Variants in DSCAML1 observed in about 807,000 individuals in gnomAD.
DSCAML1 encodes cell adhesion molecule DSCAML1.
Under a neutral mutation model 200.5 loss-of-function variants are expected in DSCAML1, and 38 were observed. The ratio of observed to expected loss-of-function variants is 0.19; its 90% CI spans 0.15 to 0.25. The LOEUF (loss-of-function observed/expected upper bound fraction) is 0.25. DSCAML1 is among the 10% of genes least tolerant of loss of function. The pLI, the probability that DSCAML1 is intolerant of heterozygous loss-of-function variation, is 1.00. For missense variants in DSCAML1, 2,223 were observed against 2,858.8 expected (o/e 0.78, Z 5.07); for synonymous variants, 1,215 against 1,165.0 (o/e 1.04, Z -0.87).
At chr11:117,572,934 T>C (rs1769589892) in intron 3 of DSCAML1, among the ~76,000 whole-genome samples, 1 of 152,162 alleles carries the variant, frequency 6.6e-6, no homozygotes, top group Non-Finnish European at 1.5e-5. Context: ...AAGTGACCTG[T>C]AGATTGAGCC....
At position 117,489,627 on chromosome 11, in the gene DSCAML1, G is replaced by A. The variant is rs1181441858; in HGVS notation, c.2360-7465C>T. 3.9e-5 allele frequency among the ~76,000 whole-genome samples: 6 copies of A among 152,180 alleles called. No homozygotes were observed. The highest frequency in any genetic ancestry group is 1.9e-4 in the East Asian group (1 of 5,172). ...GGAGTGAAGACCCTGGTGTGAAGAC[G>A]GCCCATTTCATTCAAGCCTCAGTTA... On this transcript the variant is annotated intron_variant, in intron 11 of 32. Coordinates refer to ENST00000651296, the MANE Select transcript of DSCAML1 (RefSeq NM_020693.4). This position sits in a 1 kb window ranked among gnomAD's most constrained non-coding sequence, Gnocchi z 4.8.
intron 1 of DSCAML1, among the ~76,000 whole-genome samples, chr11:117,808,849 T>C (rs781325671): frequency 6.6e-6 from 1 of 152,224 alleles, no homozygotes; most frequent in Non-Finnish European, 1.5e-5. Flanking sequence ...CGCAGCACTT[T>C]GTGGCGTACA....
chr11:117,428,611 G>GA lies in DSCAML1; in HGVS notation c.5878_5879insT (p.Ala1960ValfsTer35). On this transcript the variant is annotated frameshift_variant, in exon 33 of 33. Coordinates refer to ENST00000651296, the MANE Select transcript of DSCAML1 (RefSeq NM_020693.4). LOFTEE classifies it high-confidence loss of function. ...GGTGGCTGTGGAGGCGGCAGCGGGGGCCCCTGGGTGGGGAAGGCCCAAGGA... is the reference window on the plus strand; with the variant it reads ...GGTGGCTGTGGAGGCGGCAGCGGGGGACCCCTGGGTGGGGAAGGCCCAAGGA... 1 of 1,607,112 alleles carries GA rather than the reference G, an allele frequency of 6.2e-7. No individual in the cohort carries two copies.
intron 3 of DSCAML1, among the ~76,000 whole-genome samples, chr11:117,693,457 A>C (rs2053533558): frequency 6.6e-6 from 1 of 152,120 alleles, no homozygotes; most frequent in South Asian, 2.1e-4. Context: ...AAGCTTTATA[A>C]ATGACTGAAT....
chr11:117,717,463 C>G (rs1356518197), intron 3 of DSCAML1, among the ~76,000 whole-genome samples: 12 of 152,206 alleles, frequency 7.9e-5, no homozygotes, highest in Admixed American at 7.2e-4. Flanking sequence ...GGTTTCATCT[C>G]AGGCAGGTTC....
chr11:117,570,532 T>C (rs1052535995), intron 3 of DSCAML1, among the ~76,000 whole-genome samples: 5 of 152,240 alleles, frequency 3.3e-5, no homozygotes, highest in African/African-American at 1.2e-4. Context: ...ATTCACCACT[T>C]ATTCCAAGCA....
rs551149148 is a variant in DSCAML1, at chr11:117,610,897, T to C, written c.512-78375A>G. On this transcript the variant is annotated intron_variant, in intron 3 of 32. Transcript: ENST00000651296. The stretch of plus-strand genomic sequence containing the variant: ...CTTCACACTTGTATGAAGAGGTTAC[T>C]TCCATCCCTGTAGGGTAAATTCCTA... Among the ~76,000 whole-genome samples, 113 of 142,652 alleles carry C rather than the reference T, an allele frequency of 7.9e-4. 1 individual carries two copies. The highest frequency in any genetic ancestry group is 2.9e-3 in the African/African-American group (112 of 39,074). The allele number at this position is 142,652 out of a possible 152,430, so 93.6% of individuals were successfully genotyped here.
At chr11:117,499,989 G>A (rs2049366244) in intron 11 of DSCAML1, among the ~76,000 whole-genome samples, 1 of 152,188 alleles carries the variant, frequency 6.6e-6, no homozygotes, top group Non-Finnish European at 1.5e-5. Context: ...AAAACATTTA[G>A]CTTCCAAAGG....
intron 3 of DSCAML1, among the ~76,000 whole-genome samples, chr11:117,754,665 G>A (rs964687173): frequency 1.8e-4 from 27 of 152,142 alleles, no homozygotes; most frequent in African/African-American, 5.6e-4. Flanking sequence ...TTGAAACAGC[G>A]ACTTTATAAT....
chr11:117,432,648 ACT>A, intron 29 of DSCAML1, 144 bp from the exon 30 acceptor site: 1 of 944,212 alleles, frequency 1.1e-6, no homozygotes, highest in Non-Finnish European at 1.6e-6. Context: ...ACAGGGTCTC[ACT>A]CTGTTGCCCA....
intron 1 of DSCAML1, among the ~76,000 whole-genome samples, chr11:117,785,429 GTGAGGCATGCATGT>G (rs1190497113): frequency 3.9e-5 from 6 of 152,238 alleles, no homozygotes; most frequent in Non-Finnish European, 8.8e-5. Flanking sequence ...ACAACAGTGG[GTGAGGCATGCATGT>G]TGGGGGATGC....
At chr11:117,805,755 A>T (rs1019832367) in intron 1 of DSCAML1, among the ~76,000 whole-genome samples, 1 of 152,330 alleles carries the variant, frequency 6.6e-6, no homozygotes, top group South Asian at 2.1e-4. Context: ...CCCCTGTGCA[A>T]GGAGTTCCCC....
At chr11:117,474,062 C>T (rs972566408) in intron 14 of DSCAML1, among the ~76,000 whole-genome samples, 4 of 152,080 alleles carry the variant, frequency 2.6e-5, no homozygotes, top group Non-Finnish European at 5.9e-5. Flanking sequence ...GAGACTGGGG[C>T]GGTGTGTCTG....
intron 15 of DSCAML1, 28 bp downstream of exon 15, chr11:117,471,841 G>C (rs1403423174): frequency 6.3e-7 from 1 of 1,592,604 alleles, no homozygotes; most frequent in Non-Finnish European, 8.6e-7. Flanking sequence ...TGAGGCCATG[G>C]GCAGGGCAGG....
chr11:117,599,517 G>A (rs2051425604), intron 3 of DSCAML1, among the ~76,000 whole-genome samples: 1 of 152,214 alleles, frequency 6.6e-6, no homozygotes, highest in African/African-American at 2.4e-5. Context: ...TTGTAAATGG[G>A]TGAAAAGGTG....
chr11:117,431,701 G>A lies in DSCAML1; in HGVS notation c.5207C>T (p.Ser1736Leu). The A allele has an allele frequency of 6.3e-7, 1 of 1,597,180 alleles. No homozygotes were observed. The change falls in exon 31 of 33, where the codon TCA becomes TTA. Residue 1736 changes from serine to leucine, a missense_variant. Around this residue, in one of 7 missense-constraint regions of DSCAML1, gnomAD observed 614 missense variants for 739.1 expected, o/e 0.83. Coordinates refer to ENST00000651296, the MANE Select transcript of DSCAML1 (RefSeq NM_020693.4). ...GTACCGGTTCCGGGTGCTGTGGGCT[G>A]ACTTCACATTCTTCCTGGACACTGG... The part of the protein sequence containing the change: ...TNPVSRKNVK[S>L]AHSTRNRYSS...
Position 117,518,769 on chromosome 11 carries a change from G to T in DSCAML1, c.1214-7C>A. The T allele has an allele frequency of 6.2e-7, 1 of 1,607,566 alleles. No individual in the cohort carries two copies. Among genetic ancestry groups the T allele is most frequent in the Non-Finnish European group, 8.5e-7 (1 of 1,178,942 alleles). On this transcript the variant is annotated splice_polypyrimidine_tract_variant and splice_region_variant and intron_variant, in intron 6 of 32. Coordinates refer to ENST00000651296, the MANE Select transcript of DSCAML1 (RefSeq NM_020693.4). The surrounding 1 kb of genome is among the most constrained non-coding windows in gnomAD (Gnocchi z 6.3). ...ACGATGCGGGGCGTGCCATCTGCAG[G>T]GAGCGAGAAGCCCCCTTCAGGGTCA...
At chr11:117,597,343 A>C (rs1482386589) in intron 3 of DSCAML1, among the ~76,000 whole-genome samples, 1 of 152,196 alleles carries the variant, frequency 6.6e-6, no homozygotes, top group Non-Finnish European at 1.5e-5. Flanking sequence ...TGCAAGAAGC[A>C]AACTGGGGGG....
chr11:117,785,518 TGAG>T (rs547518447), intron 1 of DSCAML1, among the ~76,000 whole-genome samples: 1 of 151,740 alleles, frequency 6.6e-6, no homozygotes, highest in African/African-American at 2.4e-5. Context: ...CCAGCTGGAT[TGAG>T]GAGTTTGGGC....
Sources: gnomAD v4.1 joint callset for allele counts (sites outside exome capture counted in the v4.1 genomes callset) on GRCh38, gnomAD v4.1.1 for gene constraint, gnomAD v4.1.1 regional missense constraint, Gnocchi (gnomAD v3.1) non-coding constraint, MANE v1.5 for transcripts, NCBI Gene and HGNC (gene_info 2026-07-23, HGNC 2026-07-21) for gene names.